The following TNRC6C variants were observed in gnomAD, a reference collection of about 807,000 sequenced individuals.
TNRC6C encodes trinucleotide repeat-containing gene 6C protein.
TNRC6C carries 20 observed loss-of-function variants against 153.7 expected under a neutral mutation model. The observed-to-expected ratio is 0.13, with a 90% CI of 0.09 to 0.19. The LOEUF is 0.19. Among genes scored for constraint, TNRC6C ranks in the 10% least tolerant of loss-of-function variants. The pLI is 1.00. For synonymous variants in TNRC6C, 811 were observed against 841.4 expected, an observed-to-expected ratio of 0.96 and a Z score of 0.63; for missense variants, 1,987 against 2,172.0, an observed-to-expected ratio of 0.91 and a Z score of 1.69.
At chr17:78,017,273 C>G (rs1054083232) in intron 1 of TNRC6C, among the ~76,000 whole-genome samples, 1 of 152,120 alleles carries the variant, frequency 6.6e-6, no homozygotes, top group African/African-American at 2.4e-5. Context: ...GTAGTTATGA[C>G]TTGGGTGATT....
chr17:78,005,098 AG>A lies in TNRC6C; in HGVS notation c.-546+25del, dbSNP rs777991262. ...ACCAAAGGTAAGTTTATTTATATTTAGGGGGGTACATTTATGGCGGTACCAA... is the reference window on the plus strand; with the variant it reads ...ACCAAAGGTAAGTTTATTTATATTTAGGGGGTACATTTATGGCGGTACCAA... On this transcript the variant is annotated intron_variant, in intron 1 of 19. Coordinates refer to ENST00000301624, the Ensembl canonical transcript of TNRC6C. The A allele has an allele frequency of 8.2e-7, 1 of 1,226,438 alleles. No homozygotes were observed. Among genetic ancestry groups the A allele is most frequent in the Non-Finnish European group, 1.0e-6 (1 of 984,910 alleles). 76.0% of individuals were successfully genotyped at this position (1,226,438 alleles called of 1,614,324 possible).
Position 78,104,988 on chromosome 17 carries a change from T to C in TNRC6C, c.*143T>C. ...GACTGAAGACGAACCTTGGCCGCAG[T>C]CCTTGCGAACTGTTCGCAAAACAGT... On this transcript the variant is annotated 3_prime_UTR_variant, in exon 20 of 20. Coordinates refer to ENST00000301624, the Ensembl canonical transcript of TNRC6C. The surrounding 1 kb of genome is among the most constrained non-coding windows in gnomAD (Gnocchi z 6.2). The C allele has an allele frequency of 8.5e-7, 1 of 1,173,210 alleles. No individual in the cohort carries two copies. Among genetic ancestry groups the C allele is most frequent in the Non-Finnish European group, 1.1e-6 (1 of 909,196 alleles). The allele number at this position is 1,173,210 out of a possible 1,614,324, so 72.7% of individuals were successfully genotyped here. A position where few individuals can be genotyped will look rare whatever the true frequency, so the allele number is the denominator to read the frequency against.
intron 1 of TNRC6C, among the ~76,000 whole-genome samples, chr17:77,991,171 C>G (rs913014349): frequency 6.6e-6 from 1 of 152,150 alleles, no homozygotes. Flanking sequence ...CTGATGATAT[C>G]TTGATCCCTT....
exon 4 of TNRC6C, chr17:78,064,731 G>C (rs2072838392): frequency 6.2e-7 from 1 of 1,613,366 alleles, no homozygotes; most frequent in Non-Finnish European, 8.5e-7. Context: ...GTTTCATCAG[G>C]CTGGGGAGAA....
chr17:78,076,505 C>G (rs2073088289), intron 8 of TNRC6C, among the ~76,000 whole-genome samples: 1 of 152,052 alleles, frequency 6.6e-6, no homozygotes, highest in Admixed American at 6.6e-5. Flanking sequence ...TGAAATCATA[C>G]TGTTTAAACT....
chr17:77,990,897 T>C (rs2071239813), intron 1 of TNRC6C, among the ~76,000 whole-genome samples: 1 of 152,210 alleles, frequency 6.6e-6, no homozygotes. Flanking sequence ...TCATTTATTC[T>C]AAGAAGCACA....
At chr17:77,958,143 A>G (rs868256099), upstream of TNRC6C, among the ~76,000 whole-genome samples, 1 of 151,926 alleles carries the variant, frequency 6.6e-6, no homozygotes, top group African/African-American at 2.4e-5. Flanking sequence ...GGCACGGGCG[A>G]GACGCGCGCC....
intron 3 of TNRC6C, among the ~76,000 whole-genome samples, chr17:78,056,913 C>T (rs1366658523): frequency 6.7e-6 from 1 of 149,932 alleles, no homozygotes; most frequent in Non-Finnish European, 1.5e-5. Context: ...CACATATTAT[C>T]ACCAAATATA....
intron 17 of TNRC6C, among the ~76,000 whole-genome samples, chr17:78,100,770 C>CT (rs56816459): frequency 0.093 from 9,709 of 103,990 alleles, 626 homozygotes; most frequent in Non-Finnish European, 0.12. Context: ...ATGGGATTTC[C>CT]TTTTTTTTTT....
intron 3 of TNRC6C, among the ~76,000 whole-genome samples, chr17:78,061,407 G>C (rs2072765437): frequency 6.6e-6 from 1 of 152,126 alleles, no homozygotes. Flanking sequence ...ATTTTCTATT[G>C]CATTTCAGTT....
intron 1 of TNRC6C, among the ~76,000 whole-genome samples, chr17:77,984,730 G>T (rs759471618): frequency 2.0e-5 from 3 of 152,108 alleles, no homozygotes; most frequent in Non-Finnish European, 4.4e-5. Context: ...CCCTCTTCTA[G>T]GTCTTTCTGC....
At chr17:77,990,250 A>C (rs1392518025) in intron 1 of TNRC6C, among the ~76,000 whole-genome samples, 1 of 152,180 alleles carries the variant, frequency 6.6e-6, no homozygotes, top group African/African-American at 2.4e-5. Context: ...TAGCCTACGC[A>C]TTGGTTTCCA....
At chr17:78,094,882 T>G (rs1013531301) in intron 16 of TNRC6C, among the ~76,000 whole-genome samples, 2 of 152,178 alleles carry the variant, frequency 1.3e-5, no homozygotes, top group African/African-American at 4.8e-5. Context: ...GCAGCTGCGT[T>G]TCGGAACAGG....
intron 13 of TNRC6C, among the ~76,000 whole-genome samples, chr17:78,088,615 C>G (rs1317968810): frequency 2.0e-5 from 3 of 146,668 alleles, no homozygotes; most frequent in African/African-American, 7.5e-5. Flanking sequence ...TCTCTTTTTT[C>G]TTTTTTTTTT....
At position 78,104,389 on chromosome 17, in the gene TNRC6C, C is replaced by T; in HGVS notation, c.4713-96C>T. On this transcript the variant is annotated intron_variant, in intron 19 of 19. Coordinates refer to ENST00000301624, the Ensembl canonical transcript of TNRC6C. This position sits in a 1 kb window ranked among gnomAD's most constrained non-coding sequence, Gnocchi z 6.2. The stretch of plus-strand genomic sequence containing the variant: ...CAAAACAGAAGCCACAGGATGGCTT[C>T]CATGTGGGGCCGTTCCCAATACAGA... The T allele has an allele frequency of 7.2e-7, 1 of 1,397,000 alleles. No individual in the cohort carries two copies. Among genetic ancestry groups the T allele is most frequent in the Non-Finnish European group, 9.3e-7 (1 of 1,073,076 alleles). The allele number at this position is 1,397,000 out of a possible 1,614,324, so 86.5% of individuals were successfully genotyped here. A position where few individuals can be genotyped will look rare whatever the true frequency, so the allele number is the denominator to read the frequency against.
chr17:78,103,700 G>C (rs893734697), intron 19 of TNRC6C, 147 bp downstream of exon 22: 23 of 1,191,702 alleles, frequency 1.9e-5, no homozygotes, highest in Non-Finnish European at 2.5e-5. Context: ...CTGGAAGTCT[G>C]ATACCCAAGA....
At chr17:78,096,813 C>T (rs2073495959) in intron 16 of TNRC6C, among the ~76,000 whole-genome samples, 1 of 152,206 alleles carries the variant, frequency 6.6e-6, no homozygotes, top group African/African-American at 2.4e-5. Context: ...CAGCTTCTTG[C>T]TTTCTTCACA....
chr17:78,055,990 A>T (rs529280802), intron 3 of TNRC6C, among the ~76,000 whole-genome samples: 1 of 152,082 alleles, frequency 6.6e-6, no homozygotes, highest in South Asian at 2.1e-4. Flanking sequence ...TTGTTGGGGG[A>T]TCTCTCCCCT....
rs375657876 is a variant in TNRC6C, at chr17:78,037,107, A to G, written c.-219+5265A>G. Among the ~76,000 whole-genome samples, 71 of 152,320 alleles carry G rather than the reference A, an allele frequency of 4.7e-4. 1 individual carries two copies. The highest frequency in any genetic ancestry group is 1.5e-3 in the African/African-American group (64 of 41,562). On this transcript the variant is annotated intron_variant, in intron 2 of 19. Coordinates refer to ENST00000301624, the Ensembl canonical transcript of TNRC6C. ...TACATTAATCTGCAAGCTTGCTTCT[A>G]TAGAAAATTGCAACCACACATTTTG...
Sources: gnomAD v4.1 joint callset for allele counts (sites outside exome capture counted in the v4.1 genomes callset) on GRCh38, gnomAD v4.1.1 for gene constraint, Gnocchi (gnomAD v3.1) non-coding constraint, MANE v1.5 for transcripts, NCBI Gene and HGNC (gene_info 2026-07-23, HGNC 2026-07-21) for gene names.